LRIF1: variants seen among roughly 807,000 people sequenced by gnomAD.
The protein encoded by LRIF1 is ligand dependent nuclear receptor interacting factor 1.
A neutral mutation model predicts 52.7 loss-of-function variants in LRIF1; 32 were observed. That is an observed-to-expected ratio of 0.61 (90% CI 0.46 to 0.82). LRIF1 has a LOEUF of 0.82. Ranked by LOEUF, LRIF1 falls within the 40% of genes least tolerant of loss-of-function variation. The pLI is 0.00. For missense variants in LRIF1, 887 were observed against 892.0 expected (o/e 0.99, Z 0.07); for synonymous variants, 323 against 317.4 (o/e 1.02, Z -0.19).
chr1:110,902,375 C>T, the LRIF1 span, among the ~76,000 whole-genome samples: 1 of 151,504 alleles, frequency 6.6e-6, no homozygotes, highest in Admixed American at 6.6e-5. Flanking sequence ...TTAGATTTAC[C>T]TTTTAAATGG....
chr1:110,898,115 C>T, the LRIF1 span, among the ~76,000 whole-genome samples: 2 of 152,196 alleles, frequency 1.3e-5, no homozygotes, highest in South Asian at 2.1e-4. Flanking sequence ...TGGTGGCTCA[C>T]GCCTGTAATC....
the LRIF1 span, among the ~76,000 whole-genome samples, chr1:110,918,065 A>T: frequency 6.6e-6 from 1 of 152,210 alleles, no homozygotes; most frequent in African/African-American, 2.4e-5. Flanking sequence ...TTTTAACAAA[A>T]TTACTTTAAA....
intron 1 of LRIF1, among the ~76,000 whole-genome samples, chr1:110,957,333 C>T (rs1658743436): frequency 6.7e-6 from 1 of 148,440 alleles, no homozygotes; most frequent in Non-Finnish European, 1.5e-5. Flanking sequence ...ATTAGCCGGG[C>T]GTGGTAGCAA....
In LRIF1 at chr1:110,948,367, A is replaced by T. The variant is rs780264484; in HGVS notation, c.1902T>A (p.Thr634=). The change falls in exon 4 of 4, where the codon ACT becomes ACA. Residue 634 remains threonine (T), a synonymous_variant. Coordinates refer to ENST00000369763, the MANE Select transcript of LRIF1 (RefSeq NM_018372.4). ...TCTTTATGTGATCCATCTTCTTATT[A>T]GTTTTTGCTTTTCTTTTCTTATCAA... is the stretch of plus-strand genomic sequence containing the variant. ...QNFDKKRKAK[T]NKKMDHIKKR... is the part of the protein sequence containing the mutation. 24 of 1,612,238 alleles carry T rather than the reference A, an allele frequency of 1.5e-5. No individual in the cohort carries two copies. The Admixed American group carries it at 4.0e-4, about 27-fold the overall frequency.
the LRIF1 span, among the ~76,000 whole-genome samples, chr1:110,916,781 G>C: frequency 6.6e-6 from 1 of 152,178 alleles, no homozygotes; most frequent in African/African-American, 2.4e-5. Context: ...CAATGAAGCT[G>C]TATTAGATAG....
the LRIF1 span, among the ~76,000 whole-genome samples, chr1:110,881,221 C>G: frequency 6.6e-6 from 1 of 152,140 alleles, no homozygotes; most frequent in Admixed American, 6.5e-5. Context: ...CCCTTTCTCT[C>G]ACCCTTCCCT....
At chr1:110,913,271 T>C in the LRIF1 span, among the ~76,000 whole-genome samples, 1 of 152,174 alleles carries the variant, frequency 6.6e-6, no homozygotes, top group Non-Finnish European at 1.5e-5. Flanking sequence ...TTGGCAAAGA[T>C]TTCATGATAA....
downstream of LRIF1, chr1:110,943,965 C>A (rs754142375): frequency 7.2e-5 from 11 of 152,100 alleles, no homozygotes; most frequent in Non-Finnish European, 1.3e-4. Context: ...CTCTAGTCCT[C>A]AGATAGTGGT....
chr1:110,950,959 T>C (rs1658446282), intron 2 of LRIF1, among the ~76,000 whole-genome samples: 1 of 152,122 alleles, frequency 6.6e-6, no homozygotes, highest in Non-Finnish European at 1.5e-5. Context: ...ATACATATAC[T>C]CACATATTTT....
At chr1:110,953,862 T>A (rs1658586364) in intron 1 of LRIF1, among the ~76,000 whole-genome samples, 1 of 152,210 alleles carries the variant, frequency 6.6e-6, no homozygotes, top group Non-Finnish European at 1.5e-5. Flanking sequence ...GACCACTTTA[T>A]CCTTGTCTTT....
At chr1:110,946,650 CCTT>C (rs1658212902), downstream of LRIF1, among the ~76,000 whole-genome samples, 1 of 130,202 alleles carries the variant, frequency 7.7e-6, no homozygotes, top group Non-Finnish European at 1.6e-5. Flanking sequence ...GAGATTTGAT[CCTT>C]TTTTTTTTTT....
At chr1:110,963,557 C>G in intron 1 of LRIF1, 64 bp downstream of exon 1, 2 of 1,406,160 alleles carry the variant, frequency 1.4e-6, no homozygotes, top group African/African-American at 1.4e-5. Context: ...AAACGACGGC[C>G]GACTCCACAT....
At chr1:110,885,090 T>C in the LRIF1 span, among the ~76,000 whole-genome samples, 1 of 152,310 alleles carries the variant, frequency 6.6e-6, no homozygotes, top group East Asian at 1.9e-4. Context: ...TTAAGATTTT[T>C]ACCTTCAAGT....
chr1:110,951,700 G>A lies in LRIF1; in HGVS notation c.1184C>T (p.Thr395Met), dbSNP rs762373653. Residue 395 changes from threonine to methionine, a missense_variant, in exon 2 of 4, where the codon ACG becomes ATG. Thr to Met is a moderately conservative substitution (Grantham distance 81). Transcript: ENST00000369763. ...TGGACTTGAACTCACTGTCTGTAAC[G>A]TGTCTTTTCTTACTGGAGTATCAGG... ...VSPDTPVRKDTLQTVSSSPVT... is the reference protein window; with the variant it reads ...VSPDTPVRKDMLQTVSSSPVT... 20 of 1,613,806 alleles carry A rather than the reference G, an allele frequency of 1.2e-5. No homozygotes were observed. The highest frequency in any genetic ancestry group is 5.3e-5 in the African/African-American group (4 of 74,892).
chr1:110,957,301 C>CAAAAAAAAAAA (rs35011841), intron 1 of LRIF1, among the ~76,000 whole-genome samples: 3 of 81,868 alleles, frequency 3.7e-5, no homozygotes, highest in East Asian at 3.2e-4. Flanking sequence ...ACTAAAAATA[C>CAAAAAAAAAAA]AAAAAAAAAA....
chr1:110,947,117 C>T (rs1175903854), downstream of LRIF1: 1 of 152,236 alleles, frequency 6.6e-6, no homozygotes, highest in African/African-American at 2.4e-5. Flanking sequence ...TCAGCTAACT[C>T]CCCATCTCTT....
At chr1:110,889,399 A>C in the LRIF1 span, among the ~76,000 whole-genome samples, 2 of 152,114 alleles carry the variant, frequency 1.3e-5, no homozygotes, top group South Asian at 4.2e-4. Context: ...TACTAAAAAA[A>C]AATACAAAAA....
chr1:110,915,268 G>C, the LRIF1 span, among the ~76,000 whole-genome samples: 3 of 152,112 alleles, frequency 2.0e-5, no homozygotes, highest in East Asian at 3.9e-4. Context: ...GGCGGATCAC[G>C]AGGTCAGGAG....
At chr1:110,924,701 G>T in the LRIF1 span, among the ~76,000 whole-genome samples, 1 of 151,710 alleles carries the variant, frequency 6.6e-6, no homozygotes, top group Non-Finnish European at 1.5e-5. Flanking sequence ...ATTTGGGTGG[G>T]GATACAAAGC....
Sources: allele counts gnomAD v4.1 joint callset (sites outside exome capture counted in the v4.1 genomes callset), GRCh38; gene constraint gnomAD v4.1.1; transcripts MANE v1.5; gene names NCBI Gene and HGNC (gene_info 2026-07-23, HGNC 2026-07-21).